Variants in KIF26B observed in about 807,000 individuals in gnomAD.
The protein encoded by KIF26B is kinesin-like protein KIF26B.
A neutral mutation model predicts 151.2 loss-of-function variants in KIF26B; 63 were observed. That is an observed-to-expected ratio of 0.42 (90% CI 0.34 to 0.51). The LOEUF (loss-of-function observed/expected upper bound fraction) is 0.51. Ranked by LOEUF, KIF26B falls within the 20% of genes least tolerant of loss-of-function variation. The probability of loss-of-function intolerance (pLI) is 0.07; values close to 1 mark genes in which losing one functional copy is unlikely to be tolerated. For synonymous variants in KIF26B, 1,357 were observed against 1,262.1 expected (o/e 1.08, Z -1.59); for missense variants, 2,813 against 2,913.6 (o/e 0.97, Z 0.79).
rs1012717150 is a variant in KIF26B, at chr1:245,516,689, C to A, written c.1167-24078C>A. 6.6e-6 allele frequency among the ~76,000 whole-genome samples: 1 copy of A among 152,096 alleles called. No individual in the cohort carries two copies. The highest frequency in any genetic ancestry group is 1.5e-5 in the Non-Finnish European group (1 of 68,032). ...GGCCTGTCTGTGCCTATTGGCTGCT[C>A]TAAAGGGAAGTTGAGGAATACTGCA... is the stretch of plus-strand genomic sequence containing the variant. On this transcript the variant is annotated intron_variant, in intron 4 of 14. Coordinates refer to ENST00000407071, the MANE Select transcript of KIF26B (RefSeq NM_018012.4). This position sits in a 1 kb window ranked among gnomAD's most constrained non-coding sequence, Gnocchi z 4.2.
chr1:245,162,375 CTTTTTTTT>C (rs138853411), intron 2 of KIF26B, among the ~76,000 whole-genome samples: 6 of 76,532 alleles, frequency 7.8e-5, no homozygotes, highest in African/African-American at 3.1e-4. Context: ...TCAGAAATAT[CTTTTTTTT>C]TTTTTTTTTT....
At chr1:245,275,893 A>G (rs1453515437) in intron 2 of KIF26B, among the ~76,000 whole-genome samples, 2 of 152,140 alleles carry the variant, frequency 1.3e-5, no homozygotes, top group Non-Finnish European at 2.9e-5. Flanking sequence ...TTATTCTTGG[A>G]AAGTATCCTT....
In KIF26B at chr1:245,252,147, G is replaced by A. The variant is rs113941142; in HGVS notation, c.465+95464G>A. 4.0e-3 allele frequency among the ~76,000 whole-genome samples: 608 copies of A among 151,498 alleles called. 5 individuals are homozygous for A. The highest frequency in any genetic ancestry group is 0.014 in the African/African-American group (574 of 41,318). ...AAAAATTAGCTGGATGTGGTGGTGC[G>A]CATCTGTAGTCCCAGCTACTAGGGA... is the stretch of plus-strand genomic sequence containing the variant. On this transcript the variant is annotated intron_variant, in intron 2 of 14. Transcript: ENST00000407071.
chr1:245,181,200 C>A (rs929128796), intron 2 of KIF26B, among the ~76,000 whole-genome samples: 1 of 151,610 alleles, frequency 6.6e-6, no homozygotes, highest in African/African-American at 2.4e-5. Context: ...ACCCCGATTT[C>A]CCCCCCTTCT....
At chr1:245,662,334 TAC>T (rs1221461682) in intron 10 of KIF26B, among the ~76,000 whole-genome samples, 2 of 144,106 alleles carry the variant, frequency 1.4e-5, no homozygotes, top group Admixed American at 1.4e-4. Flanking sequence ...TAATGATATA[TAC>T]ACACACACCC....
chr1:245,523,608 G>T (rs892385320), intron 4 of KIF26B, among the ~76,000 whole-genome samples: 1 of 152,150 alleles, frequency 6.6e-6, no homozygotes, highest in Non-Finnish European at 1.5e-5. Context: ...GTGCCTTCTC[G>T]CTGTGTCTTC....
intron 4 of KIF26B, among the ~76,000 whole-genome samples, chr1:245,520,213 CG>C (rs1223309388): frequency 2.0e-5 from 3 of 146,578 alleles, no homozygotes; most frequent in African/African-American, 7.6e-5. Context: ...AAAAAATAAT[CG>C]AATCAAATTG....
chr1:245,552,616 A>ATTTTTT lies in KIF26B; in HGVS notation c.1350+11677_1350+11682dup, dbSNP rs3038129. ...CCTTGCACCTATGTCATCTTCCTGG[A>ATTTTTT]TTTTTTTTTTTTTTTTGAGACAGTC... On this transcript the variant is annotated intron_variant, in intron 5 of 14. Transcript: ENST00000407071. 1.3e-3 allele frequency among the ~76,000 whole-genome samples: 181 copies of ATTTTTT among 138,516 alleles called. 2 individuals carry two copies. The South Asian group carries it at 0.031, about 23-fold the overall frequency. 90.9% of individuals were successfully genotyped at this position (138,516 alleles called of 152,430 possible).
At chr1:245,391,401 C>T (rs185164843) in intron 3 of KIF26B, among the ~76,000 whole-genome samples, 123 of 152,304 alleles carry the variant, frequency 8.1e-4, no homozygotes, top group Non-Finnish European at 1.5e-3. Context: ...ATTCCAACTA[C>T]TTGTCTTTAT....
chr1:245,551,930 G>T (rs1661889668), intron 5 of KIF26B, among the ~76,000 whole-genome samples: 2 of 152,116 alleles, frequency 1.3e-5, no homozygotes, highest in African/African-American at 4.8e-5. Flanking sequence ...CTCTTTAGAT[G>T]ACTGATCTGC....
At chr1:245,325,541 C>T (rs1011541444) in intron 2 of KIF26B, among the ~76,000 whole-genome samples, 4 of 152,062 alleles carry the variant, frequency 2.6e-5, no homozygotes, top group South Asian at 2.1e-4. Context: ...GGTGAAACCC[C>T]GTCTCTACTA....
intron 2 of KIF26B, among the ~76,000 whole-genome samples, chr1:245,280,099 T>C (rs953392345): frequency 2.8e-4 from 43 of 152,078 alleles, no homozygotes; most frequent in African/African-American, 1.0e-3. Flanking sequence ...AGGAGGAGCC[T>C]AGCTGCTGCT....
chr1:245,422,872 G>T lies in KIF26B; in HGVS notation c.1166+3127G>T, dbSNP rs187509408. Reference sequence around the variant, plus strand: ...CCAGTACTTTGGGAGACCAAGGTGGGTGGATCACTAGAGACCAGGAGTTCA... The same window carrying T: ...CCAGTACTTTGGGAGACCAAGGTGGTTGGATCACTAGAGACCAGGAGTTCA... On this transcript the variant is annotated intron_variant, in intron 4 of 14. Coordinates refer to ENST00000407071, the MANE Select transcript of KIF26B (RefSeq NM_018012.4). Among the ~76,000 whole-genome samples, 4 of 152,266 alleles carry T rather than the reference G, an allele frequency of 2.6e-5. No homozygotes were observed. The East Asian group carries it at 5.8e-4, about 22-fold the overall frequency.
intron 4 of KIF26B, among the ~76,000 whole-genome samples, chr1:245,462,403 A>AC: frequency 6.6e-6 from 1 of 152,218 alleles, no homozygotes; most frequent in South Asian, 2.1e-4. Context: ...ACAATGTGCT[A>AC]AAGTCGAGTT....
chr1:245,341,303 G>GTTTTTTT (rs34249209), intron 2 of KIF26B, among the ~76,000 whole-genome samples: 1 of 82,540 alleles, frequency 1.2e-5, no homozygotes, highest in African/African-American at 3.2e-5. Flanking sequence ...AAAAGATGCA[G>GTTTTTTT]TTTTTTTTTT....
At chr1:245,381,888 G>A (rs1318441028) in intron 3 of KIF26B, among the ~76,000 whole-genome samples, 3 of 152,152 alleles carry the variant, frequency 2.0e-5, no homozygotes, top group African/African-American at 7.2e-5. Flanking sequence ...CATCCGTATT[G>A]TGTCATATGT....
intron 4 of KIF26B, among the ~76,000 whole-genome samples, chr1:245,427,409 G>A (rs1036262335): frequency 6.6e-6 from 1 of 152,304 alleles, no homozygotes; most frequent in South Asian, 2.1e-4. Context: ...GGGAGTTTGC[G>A]ACCAGCTTGA....
At chr1:245,234,797 C>T (rs1433546385) in intron 2 of KIF26B, among the ~76,000 whole-genome samples, 1 of 152,210 alleles carries the variant, frequency 6.6e-6, no homozygotes, top group Non-Finnish European at 1.5e-5. Flanking sequence ...CGTTTCCAGG[C>T]CTCGCAACAC....
intron 2 of KIF26B, among the ~76,000 whole-genome samples, chr1:245,187,566 G>A (rs1030464116): frequency 1.3e-5 from 2 of 152,146 alleles, no homozygotes; most frequent in East Asian, 1.9e-4. Flanking sequence ...TGCTGTGGTC[G>A]CTTTCTTTTA....
Sources: allele counts gnomAD v4.1 joint callset (sites outside exome capture counted in the v4.1 genomes callset), GRCh38; gene constraint gnomAD v4.1.1; non-coding constraint Gnocchi (gnomAD v3.1); transcripts MANE v1.5; gene names NCBI Gene and HGNC (gene_info 2026-07-23, HGNC 2026-07-21).